Variants in CNTN4 observed in about 807,000 individuals in gnomAD.
CNTN4 encodes the protein contactin-4.
Under a neutral mutation model 122.5 loss-of-function variants are expected in CNTN4, and 77 were observed. That is an observed-to-expected ratio of 0.63 (90% confidence interval 0.52 to 0.76). The LOEUF is 0.76. CNTN4 is among the 30% of genes least tolerant of loss of function. CNTN4 has a pLI of 0.00. For synonymous variants in CNTN4, 512 were observed against 447.0 expected (o/e 1.15, Z -1.83); for missense variants, 1,256 against 1,259.1 (o/e 1.00, Z 0.04).
chr3:2,685,194 T>A (rs1267723888), intron 4 of CNTN4, among the ~76,000 whole-genome samples: 3 of 152,138 alleles, frequency 2.0e-5, no homozygotes, highest in Non-Finnish European at 2.9e-5. Context: ...GGTCAAGTAA[T>A]GGGAATAAAA....
intron 3 of CNTN4, among the ~76,000 whole-genome samples, chr3:2,564,473 A>G (rs2079075842): frequency 6.6e-6 from 1 of 152,184 alleles, no homozygotes. Flanking sequence ...TAGGGATGAC[A>G]AAGACATAGT....
chr3:2,284,866 G>A (rs557410184), intron 2 of CNTN4, among the ~76,000 whole-genome samples: 441 of 151,310 alleles, frequency 2.9e-3, no homozygotes, highest in African/African-American at 0.01. Context: ...TATATTATAG[G>A]ACATTATTAA....
chr3:3,035,494 C>G (rs1699524626), intron 17 of CNTN4, among the ~76,000 whole-genome samples: 1 of 152,138 alleles, frequency 6.6e-6, no homozygotes, highest in African/African-American at 2.4e-5. Context: ...TAGTCACAGA[C>G]TTCATAAAGT....
chr3:3,029,036 T>G (rs1430545416), intron 15 of CNTN4, among the ~76,000 whole-genome samples: 1 of 152,118 alleles, frequency 6.6e-6, no homozygotes, highest in East Asian at 1.9e-4. Flanking sequence ...CCCCTGTGTC[T>G]ACCAAAGGAT....
intron 14 of CNTN4, among the ~76,000 whole-genome samples, chr3:2,998,147 A>G (rs564840795): frequency 6.6e-6 from 1 of 152,310 alleles, no homozygotes; most frequent in East Asian, 1.9e-4. Context: ...CAGCATGGGT[A>G]GAACACCTGG....
rs910302827 is a variant in CNTN4, at chr3:2,925,832, T to C, written c.1358+53T>C. 23 of 1,495,434 alleles carry C rather than the reference T, an allele frequency of 1.5e-5. No individual in the cohort carries two copies. The African/African-American group carries it at 2.9e-4, about 19-fold the overall frequency. 92.6% of individuals were successfully genotyped at this position (1,495,434 alleles called of 1,614,324 possible). A position where few individuals can be genotyped will look rare whatever the true frequency, so the allele number is the denominator to read the frequency against. On this transcript the variant is annotated intron_variant, in intron 13 of 24. Coordinates refer to ENST00000418658, the MANE Select transcript of CNTN4 (RefSeq NM_175607.3). ...TGGTTAACCTGTAAAAATGTGTTGG[T>C]CTGTTATTAATAATTCTAAGGGGAA...
intron 3 of CNTN4, among the ~76,000 whole-genome samples, chr3:2,414,269 G>A (rs969579318): frequency 6.6e-6 from 1 of 152,148 alleles, no homozygotes; most frequent in South Asian, 2.1e-4. Flanking sequence ...CCTTCTTTGG[G>A]AGTAAATTTT....
chr3:2,108,397 C>A (rs2125118799), intron 2 of CNTN4, among the ~76,000 whole-genome samples: 1 of 152,260 alleles, frequency 6.6e-6, no homozygotes, highest in South Asian at 2.1e-4. Flanking sequence ...GAATGACCAT[C>A]TCTCTTGCTT....
chr3:2,820,961 C>CTTTTTTTTTTTTTTTTTTTTT (rs67731967), intron 7 of CNTN4, among the ~76,000 whole-genome samples: 11 of 107,580 alleles, frequency 1.0e-4, no homozygotes, highest in Non-Finnish European at 1.4e-4. Context: ...TTTTCTCTTT[C>CTTTTTTTTTTTTTTTTTTTTT]TTTTTTTTTT....
intron 6 of CNTN4, among the ~76,000 whole-genome samples, chr3:2,796,813 T>C (rs1914013): frequency 0.023 from 3,476 of 152,324 alleles, 149 homozygotes; most frequent in African/African-American, 0.076. Flanking sequence ...TCCTATTCTA[T>C]TGCTGTATTC....
intron 6 of CNTN4, among the ~76,000 whole-genome samples, chr3:2,751,385 G>T (rs1472655210): frequency 6.6e-6 from 1 of 152,036 alleles, no homozygotes; most frequent in South Asian, 2.1e-4. Context: ...CTCAAAGTTC[G>T]CTTTTACCCT....
chr3:2,204,669 A>C (rs2149404704), intron 2 of CNTN4, among the ~76,000 whole-genome samples: 1 of 152,026 alleles, frequency 6.6e-6, no homozygotes. Flanking sequence ...TCCTCTGTTA[A>C]TTTTTGTTTT....
At chr3:2,310,592 G>T (rs969514475) in intron 2 of CNTN4, among the ~76,000 whole-genome samples, 1 of 152,058 alleles carries the variant, frequency 6.6e-6, no homozygotes, top group Non-Finnish European at 1.5e-5. Context: ...GCCATCATCT[G>T]CAGGTAATGT....
intron 7 of CNTN4, among the ~76,000 whole-genome samples, chr3:2,855,718 G>A (rs73110947): frequency 0.028 from 4,330 of 152,262 alleles, 85 homozygotes; most frequent in Non-Finnish European, 0.034. Context: ...ATGTCATTTA[G>A]CGTAAGTCAC....
chr3:2,198,494 C>G (rs1472981335), intron 2 of CNTN4, among the ~76,000 whole-genome samples: 1 of 152,034 alleles, frequency 6.6e-6, no homozygotes, highest in Non-Finnish European at 1.5e-5. Context: ...TGAAATCATA[C>G]AGAGATATGT....
At chr3:2,123,295 G>A (rs957836191) in intron 2 of CNTN4, among the ~76,000 whole-genome samples, 1 of 152,208 alleles carries the variant, frequency 6.6e-6, no homozygotes, top group Non-Finnish European at 1.5e-5. Context: ...TCAAGGTCAA[G>A]GTCACATAAC....
At position 2,468,507 on chromosome 3, in the gene CNTN4, A is replaced by T. The variant is rs538664116; in HGVS notation, c.-88-102909A>T. 2.0e-4 allele frequency among the ~76,000 whole-genome samples: 30 copies of T among 152,286 alleles called. No individual in the cohort carries two copies. The South Asian group carries it at 6.2e-3, about 32-fold the overall frequency. The stretch of plus-strand genomic sequence containing the variant: ...ATATTATTACATTTCAGAAATGCAG[A>T]GTCTTACGGTAGGCTGTTGTGTCTG... On this transcript the variant is annotated intron_variant, in intron 3 of 24. Coordinates refer to ENST00000418658, the MANE Select transcript of CNTN4 (RefSeq NM_175607.3).
intron 3 of CNTN4, among the ~76,000 whole-genome samples, chr3:2,557,510 G>A (rs1030920248): frequency 6.6e-6 from 1 of 152,048 alleles, no homozygotes; most frequent in Non-Finnish European, 1.5e-5. Flanking sequence ...GGCAGATCAC[G>A]AGGTCAGGAG....
rs917470622 is a variant in CNTN4 at position 2,632,620 on chromosome 3, G to A, written c.55+61062G>A. On this transcript the variant is annotated intron_variant, in intron 4 of 24. Coordinates refer to ENST00000418658, the MANE Select transcript of CNTN4 (RefSeq NM_175607.3). ...GTATTATCCTTGAGCCTCTTAGGGCGTGATTTAACTCACATAAGTTAAATT... is the reference window on the plus strand; with the variant it reads ...GTATTATCCTTGAGCCTCTTAGGGCATGATTTAACTCACATAAGTTAAATT... 1.1e-4 allele frequency among the ~76,000 whole-genome samples: 17 copies of A among 152,272 alleles called. No individual in the cohort carries two copies. The East Asian group carries it at 2.1e-3, about 19-fold the overall frequency.
Sources: gnomAD v4.1 joint callset for allele counts (sites outside exome capture counted in the v4.1 genomes callset) on GRCh38, gnomAD v4.1.1 for gene constraint, MANE v1.5 for transcripts, NCBI Gene and HGNC (gene_info 2026-07-23, HGNC 2026-07-21) for gene names.